KCNT2: variants seen among roughly 807,000 people sequenced by gnomAD.
KCNT2 encodes potassium channel subfamily T member 2.
Under a neutral mutation model 153.8 loss-of-function variants are expected in KCNT2, and 67 were observed. The ratio of observed to expected loss-of-function variants is 0.44; its 90% confidence interval spans 0.36 to 0.53. KCNT2 has a LOEUF of 0.53. KCNT2 is among the 20% of genes least tolerant of loss of function. The probability of loss-of-function intolerance (pLI) is 0.00; values close to 1 mark genes in which losing one functional copy is unlikely to be tolerated. For missense variants in KCNT2, 975 were observed against 1,354.8 expected, an observed-to-expected ratio of 0.72 and a Z score of 4.40; for synonymous variants, 500 against 458.8, an observed-to-expected ratio of 1.09 and a Z score of -1.15.
chr1:196,502,510 T>C (rs1351792048), intron 1 of KCNT2, among the ~76,000 whole-genome samples: 1 of 152,172 alleles, frequency 6.6e-6, no homozygotes, highest in Non-Finnish European at 1.5e-5. Context: ...TCATGTGGTG[T>C]AATGGTAATG....
In KCNT2 at chr1:196,225,886, G is replaced by A. The variant is rs1225719115; in HGVS notation, c.*2338C>T. The stretch of plus-strand genomic sequence containing the variant: ...GAATCAATTCCCATTGGGCTACAAG[G>A]ACTATTATTGACTTTATATTTTATT... On this transcript the variant is annotated 3_prime_UTR_variant, in exon 28 of 28. Transcript: ENST00000294725. The A allele has an allele frequency of 1.3e-5, 2 of 151,944 alleles. No homozygotes were observed. The highest frequency in any genetic ancestry group is 2.9e-5 in the Non-Finnish European group (2 of 67,916). 9.4% of individuals were successfully genotyped at this position (151,944 alleles called of 1,614,324 possible).
chr1:196,559,344 C>T (rs1659084338), intron 1 of KCNT2, among the ~76,000 whole-genome samples: 1 of 151,648 alleles, frequency 6.6e-6, no homozygotes, highest in African/African-American at 2.4e-5. Flanking sequence ...TGCACAGAAA[C>T]TCATCCCATG....
chr1:196,409,991 A>G (rs1332346504), intron 12 of KCNT2, among the ~76,000 whole-genome samples: 1 of 151,666 alleles, frequency 6.6e-6, no homozygotes, highest in Non-Finnish European at 1.5e-5. Context: ...CAATCCTAAG[A>G]GATATAAGGT....
intron 22 of KCNT2, among the ~76,000 whole-genome samples, chr1:196,298,506 G>A (rs1166681741): frequency 6.6e-6 from 1 of 152,112 alleles, no homozygotes; most frequent in Non-Finnish European, 1.5e-5. Context: ...CCCAATCACA[G>A]GAACTTCCGT....
At chr1:196,296,478 T>G (rs2147941412) in intron 22 of KCNT2, among the ~76,000 whole-genome samples, 1 of 152,108 alleles carries the variant, frequency 6.6e-6, no homozygotes, top group East Asian at 1.9e-4. Flanking sequence ...TGGAAGGACT[T>G]TAAATACAAA....
chr1:196,560,616 G>GTGGGAAAAC (rs1390655800), intron 1 of KCNT2, among the ~76,000 whole-genome samples: 2 of 151,834 alleles, frequency 1.3e-5, no homozygotes, highest in African/African-American at 2.4e-5. Flanking sequence ...CTCACTCTCT[G>GTGGGAAAAC]TGGGAAAACA....
chr1:196,391,082 C>A (rs1351726559), intron 13 of KCNT2, among the ~76,000 whole-genome samples: 1 of 150,938 alleles, frequency 6.6e-6, no homozygotes, highest in Non-Finnish European at 1.5e-5. Context: ...GTTTGATATA[C>A]ATGGAGGTTA....
intron 22 of KCNT2, among the ~76,000 whole-genome samples, chr1:196,297,620 G>T (rs1186578374): frequency 6.6e-6 from 1 of 152,092 alleles, no homozygotes; most frequent in African/African-American, 2.4e-5. Context: ...CTCATTTAAA[G>T]AAATAGAAAC....
chr1:196,406,204 T>C (rs1424325350), intron 12 of KCNT2, among the ~76,000 whole-genome samples: 2 of 151,428 alleles, frequency 1.3e-5, no homozygotes, highest in Non-Finnish European at 3.0e-5. Flanking sequence ...AAACTGGAGG[T>C]AATTCTGATA....
At chr1:196,477,321 C>T (rs1678624124) in intron 5 of KCNT2, among the ~76,000 whole-genome samples, 1 of 152,130 alleles carries the variant, frequency 6.6e-6, no homozygotes, top group Non-Finnish European at 1.5e-5. Context: ...TGCAGTGGCT[C>T]ATGCCTGTAA....
intron 1 of KCNT2, among the ~76,000 whole-genome samples, chr1:196,539,404 G>A (rs941015377): frequency 1.3e-5 from 2 of 152,066 alleles, no homozygotes; most frequent in Admixed American, 6.6e-5. Context: ...ATCAGTTTAT[G>A]ATGTTTGAGT....
At chr1:196,321,885 C>T (rs1400840426) in intron 19 of KCNT2, among the ~76,000 whole-genome samples, 1 of 151,934 alleles carries the variant, frequency 6.6e-6, no homozygotes, top group Non-Finnish European at 1.5e-5. Context: ...CAACAGTGTT[C>T]ATGGCACCGA....
chr1:196,376,397 T>C (rs1354374464), intron 13 of KCNT2, among the ~76,000 whole-genome samples: 1 of 151,932 alleles, frequency 6.6e-6, no homozygotes, highest in Non-Finnish European at 1.5e-5. Context: ...ATATTTATAC[T>C]AAGTAGAAAA....
At chr1:196,356,688 G>A (rs993384534) in intron 14 of KCNT2, among the ~76,000 whole-genome samples, 1 of 151,710 alleles carries the variant, frequency 6.6e-6, no homozygotes, top group African/African-American at 2.4e-5. Flanking sequence ...CCCCAGAGTT[G>A]CTTATATAAT....
intron 1 of KCNT2, among the ~76,000 whole-genome samples, chr1:196,589,208 T>C (rs1663044493): frequency 6.6e-6 from 1 of 151,932 alleles, no homozygotes; most frequent in African/African-American, 2.4e-5. Flanking sequence ...TATCTTCTAT[T>C]GTATAACTCC....
Position 196,461,768 on chromosome 1 carries a change from C to T in KCNT2, c.638+3525G>A, listed in dbSNP as rs560823093. On this transcript the variant is annotated intron_variant, in intron 8 of 27. Transcript: ENST00000294725. ...ATTAGTCCAATTCCATTACAATGAC[C>T]GAAAAAACAATTCTGAGCACATTTC... Among the ~76,000 whole-genome samples, 5 of 151,632 alleles carry T rather than the reference C, an allele frequency of 3.3e-5. No homozygotes were observed. In the East Asian group the frequency reaches 5.8e-4, roughly 18 times the overall value.
intron 26 of KCNT2, among the ~76,000 whole-genome samples, chr1:196,247,565 C>T (rs1655565867): frequency 6.6e-6 from 1 of 152,168 alleles, no homozygotes; most frequent in South Asian, 2.1e-4. Context: ...AGGAAACTTA[C>T]AATCATGGCA....
intron 7 of KCNT2, 39 bp downstream of exon 7, chr1:196,467,664 A>T (rs1353833044): frequency 7.7e-7 from 1 of 1,302,108 alleles, no homozygotes; most frequent in Non-Finnish European, 1.1e-6. Context: ...GAAATGGTTT[A>T]AAAATATTTT....
chr1:196,309,727 T>C (rs1048289317), intron 21 of KCNT2, among the ~76,000 whole-genome samples: 2 of 151,876 alleles, frequency 1.3e-5, no homozygotes, highest in African/African-American at 2.4e-5. Context: ...ATTTATTTAG[T>C]CTCCTTTGAA....
Sources: allele counts gnomAD v4.1 joint callset (sites outside exome capture counted in the v4.1 genomes callset), GRCh38; gene constraint gnomAD v4.1.1; transcripts MANE v1.5; gene names NCBI Gene and HGNC (gene_info 2026-07-23, HGNC 2026-07-21).